The following MINAR2 variants were observed in gnomAD, a reference collection of about 807,000 sequenced individuals.
MINAR2 encodes membrane integral NOTCH2 associated receptor 2.
Under a neutral mutation model 16.1 loss-of-function variants are expected in MINAR2, and 21 were observed. The ratio of observed to expected loss-of-function variants is 1.31; its 90% CI spans 0.93 to 1.88. The LOEUF (loss-of-function observed/expected upper bound fraction) is 1.88. MINAR2 is among the 40% of genes most tolerant of loss of function. The pLI is 0.00. For missense variants in MINAR2, 259 were observed against 229.8 expected, an observed-to-expected ratio of 1.13 and a Z score of -0.82; for synonymous variants, 86 against 83.0, an observed-to-expected ratio of 1.04 and a Z score of -0.20.
chr5:129,758,756 T>A (rs1365587682), intron 1 of MINAR2, among the ~76,000 whole-genome samples: 3 of 151,918 alleles, frequency 2.0e-5, no homozygotes, highest in Non-Finnish European at 4.4e-5. Flanking sequence ...AAAAAAAAAA[T>A]TAAGTAAAAA....
intron 1 of MINAR2, among the ~76,000 whole-genome samples, chr5:129,751,777 G>T (rs1757987707): frequency 6.6e-6 from 1 of 152,120 alleles, no homozygotes; most frequent in African/African-American, 2.4e-5. Context: ...TGTTTCTGAT[G>T]AAGGCATTTA....
chr5:129,758,355 T>A (rs1758081915), intron 1 of MINAR2, among the ~76,000 whole-genome samples: 1 of 152,010 alleles, frequency 6.6e-6, no homozygotes, highest in African/African-American at 2.4e-5. Flanking sequence ...ATTTTGTGAT[T>A]AAATTCATAA....
rs1254999102 is a variant in MINAR2, at chr5:129,766,062, G to T, written c.*999G>T. 1 of 152,208 alleles carries T rather than the reference G, an allele frequency of 6.6e-6. No individual in the cohort carries two copies. The highest frequency in any genetic ancestry group is 1.9e-4 in the East Asian group (1 of 5,186). The allele number at this position is 152,208 out of a possible 1,614,324, so 9.4% of individuals were successfully genotyped here. Reference sequence around the variant, plus strand: ...ATTTATGCTAGCTAATTGACAACCTGAGTTTACCTTCCATTGTCTGCAGAT... The same window carrying T: ...ATTTATGCTAGCTAATTGACAACCTTAGTTTACCTTCCATTGTCTGCAGAT... On this transcript the variant is annotated 3_prime_UTR_variant, in exon 3 of 3. Coordinates refer to ENST00000564719, the MANE Select transcript of MINAR2 (RefSeq NM_001257308.2).
Position 129,765,789 on chromosome 5 carries a change from A to T in MINAR2, c.*726A>T, listed in dbSNP as rs1423971880. On this transcript the variant is annotated 3_prime_UTR_variant, in exon 3 of 3. Coordinates refer to ENST00000564719, the MANE Select transcript of MINAR2 (RefSeq NM_001257308.2). ...TTGGCTGTGACCCCTGGTGGCAGTC[A>T]GTGTGCATATATTACCAACCATGGT... is the stretch of plus-strand genomic sequence containing the variant. The T allele has an allele frequency of 2.0e-5, 3 of 152,188 alleles. No homozygotes were observed. The highest frequency in any genetic ancestry group is 4.1e-4 in the South Asian group (2 of 4,828). The allele number at this position is 152,188 out of a possible 1,614,324, so 9.4% of individuals were successfully genotyped here.
intron 1 of MINAR2, among the ~76,000 whole-genome samples, chr5:129,756,536 C>T (rs1242435946): frequency 6.6e-6 from 1 of 152,056 alleles, no homozygotes; most frequent in East Asian, 1.9e-4. Context: ...TTTGTGTCCT[C>T]ATAGCCTAGC....
At chr5:129,760,628 C>T (rs1392863924) in intron 2 of MINAR2, 23 bp downstream of exon 2, 1 of 1,478,704 alleles carries the variant, frequency 6.8e-7, no homozygotes, top group Non-Finnish European at 9.1e-7. Flanking sequence ...AAGAGTCAAC[C>T]TCTTCAACTG....
In MINAR2 at chr5:129,766,451, C is replaced by T. The variant is rs1326471008; in HGVS notation, c.*1388C>T. ...AGGAGTTCGAGACCAGCCTGGCCAA[C>T]ATAGTGAAACCCCGTCTCTATTAAA... On this transcript the variant is annotated 3_prime_UTR_variant, in exon 3 of 3. Coordinates refer to ENST00000564719, the MANE Select transcript of MINAR2 (RefSeq NM_001257308.2). The T allele has an allele frequency of 6.6e-6, 1 of 152,126 alleles. No individual in the cohort carries two copies. The highest frequency in any genetic ancestry group is 1.5e-5 in the Non-Finnish European group (1 of 68,066). The allele number at this position is 152,126 out of a possible 1,614,324, so 9.4% of individuals were successfully genotyped here.
At position 129,765,845 on chromosome 5, in the gene MINAR2, G is replaced by A. The variant is rs564258550; in HGVS notation, c.*782G>A. ...TTGGGGGTCCCTAGGAAAGCAGAGG[G>A]AATACTGCTAAGAGAACAGAGTTTG... On this transcript the variant is annotated 3_prime_UTR_variant, in exon 3 of 3. Coordinates refer to ENST00000564719, the MANE Select transcript of MINAR2 (RefSeq NM_001257308.2). The A allele has an allele frequency of 6.6e-6, 1 of 152,114 alleles. No homozygotes were observed. Among genetic ancestry groups the A allele is most frequent in the South Asian group, 2.1e-4 (1 of 4,824 alleles). The allele number at this position is 152,114 out of a possible 1,614,324, so 9.4% of individuals were successfully genotyped here. A position where few individuals can be genotyped will look rare whatever the true frequency, so the allele number is the denominator to read the frequency against.
intron 1 of MINAR2, 139 bp downstream of exon 1, chr5:129,748,494 C>A: frequency 1.1e-5 from 9 of 800,636 alleles, no homozygotes; most frequent in Non-Finnish European, 1.5e-5. Context: ...TAGTCTTTCT[C>A]TCTTCCTTAA....
Position 129,760,552 on chromosome 5 carries a change from A to T in MINAR2, c.340A>T (p.Ile114Phe), listed in dbSNP as rs1240790341. The T allele has an allele frequency of 6.5e-7, 1 of 1,535,492 alleles. No individual in the cohort carries two copies. The highest frequency in any genetic ancestry group is 8.7e-7 in the Non-Finnish European group (1 of 1,146,514). ...AAGAAAAAAGAACCCCTCATGGACC[A>T]TTGAGGAATATGACAAACATTCCCT... Reference protein sequence around the residue: ...EERKKNPSWTIEEYDKHSLHT... With the variant: ...EERKKNPSWTFEEYDKHSLHT... The change falls in exon 2 of 3, where the codon ATT (isoleucine) becomes TTT (phenylalanine). Residue 114 changes from isoleucine (I) to phenylalanine (F), a missense_variant. Ile to Phe is a conservative substitution (Grantham distance 21, BLOSUM62 0). Transcript: ENST00000564719.
intron 1 of MINAR2, among the ~76,000 whole-genome samples, chr5:129,749,467 A>G (rs1757959673): frequency 6.6e-6 from 1 of 152,270 alleles, no homozygotes; most frequent in East Asian, 1.9e-4. Context: ...CTATTATGAC[A>G]ACTGGCATTT....
chr5:129,760,343 G>A (rs771167650), intron 1 of MINAR2, 35 bp from the exon 2 acceptor site: 49 of 1,490,384 alleles, frequency 3.3e-5, no homozygotes, highest in South Asian at 1.9e-4. Context: ...CAGAAGGCCC[G>A]TTGCTAAGAG....
At chr5:129,756,316 C>T (rs1278666120) in intron 1 of MINAR2, among the ~76,000 whole-genome samples, 1 of 151,838 alleles carries the variant, frequency 6.6e-6, no homozygotes, top group African/African-American at 2.4e-5. Flanking sequence ...TTATGGTTCA[C>T]ATCTTCTTTA....
intron 1 of MINAR2, among the ~76,000 whole-genome samples, chr5:129,756,941 A>G (rs1347523489): frequency 0.013 from 1,934 of 147,130 alleles, 17 homozygotes; most frequent in African/African-American, 0.045. Flanking sequence ...CAGTAAAAAA[A>G]AAAAAAAAAA....
intron 2 of MINAR2, among the ~76,000 whole-genome samples, chr5:129,761,447 C>G (rs1024806758): frequency 7.2e-5 from 11 of 151,932 alleles, no homozygotes; most frequent in Admixed American, 4.6e-4. Flanking sequence ...TTAAAGAGGA[C>G]AGCACCCTGT....
In MINAR2 at chr5:129,748,101, G is replaced by C; in HGVS notation, c.-90G>C. The C allele has an allele frequency of 8.0e-7, 1 of 1,257,076 alleles. No individual in the cohort carries two copies. The highest frequency in any genetic ancestry group is 2.3e-5 in the Admixed American group (1 of 43,116). The allele number at this position is 1,257,076 out of a possible 1,614,324, so 77.9% of individuals were successfully genotyped here. A position where few individuals can be genotyped will look rare whatever the true frequency, so the allele number is the denominator to read the frequency against. On this transcript the variant is annotated 5_prime_UTR_variant, in exon 1 of 3. Coordinates refer to ENST00000564719, the MANE Select transcript of MINAR2 (RefSeq NM_001257308.2). ...GCTGAGAGACTTGGTTTCAGATGCA[G>C]TCAGAGCATCCTCAGGCACATTAAT...
chr5:129,755,350 G>A, intron 1 of MINAR2, among the ~76,000 whole-genome samples: 1 of 152,000 alleles, frequency 6.6e-6, no homozygotes, highest in South Asian at 2.1e-4. Context: ...CTTCAAAAGT[G>A]AGCTGGGGAT....
intron 1 of MINAR2, among the ~76,000 whole-genome samples, chr5:129,759,006 A>C (rs1457453682): frequency 6.6e-6 from 1 of 152,050 alleles, no homozygotes; most frequent in Non-Finnish European, 1.5e-5. Context: ...TGGATTAAGA[A>C]AATTAGGGAA....
At chr5:129,755,940 C>G (rs186664712) in intron 1 of MINAR2, among the ~76,000 whole-genome samples, 32 of 152,072 alleles carry the variant, frequency 2.1e-4, no homozygotes, top group Admixed American at 2.0e-3. Flanking sequence ...CTTTATAATG[C>G]AAGTATATAT....
Sources: allele counts gnomAD v4.1 joint callset (sites outside exome capture counted in the v4.1 genomes callset), GRCh38; gene constraint gnomAD v4.1.1; transcripts MANE v1.5; gene names NCBI Gene and HGNC (gene_info 2026-07-23, HGNC 2026-07-21).